The following MUSK variants were observed in gnomAD, a reference collection of about 807,000 sequenced individuals.
MUSK encodes muscle, skeletal receptor tyrosine-protein kinase.
MUSK carries 55 observed loss-of-function variants against 88.7 expected under a neutral mutation model. The observed-to-expected ratio is 0.62, with a 90% confidence interval of 0.50 to 0.78. MUSK has a LOEUF of 0.78. Ranked by LOEUF, MUSK falls within the 30% of genes least tolerant of loss-of-function variation. The pLI is 0.00. For missense variants in MUSK, 1,015 were observed against 1,074.3 expected (o/e 0.94, Z 0.77); for synonymous variants, 387 against 391.9 (o/e 0.99, Z 0.15).
chr9:110,682,241 G>A (rs527620108), intron 1 of MUSK, among the ~76,000 whole-genome samples: 2 of 152,124 alleles, frequency 1.3e-5, no homozygotes, highest in South Asian at 4.1e-4. Flanking sequence ...TATAAAATTA[G>A]GGGAAAATTG....
At chr9:110,785,431 T>C (rs989152710) in intron 12 of MUSK, 96 bp from the exon 13 acceptor site, 36 of 1,078,466 alleles carry the variant, frequency 3.3e-5, no homozygotes, top group Admixed American at 7.7e-5. Flanking sequence ...TTGTTTTCAT[T>C]ACTCTTAAAT....
In MUSK at chr9:110,689,345, T is replaced by C. The variant is rs1247705499; in HGVS notation, c.358+2077T>C. 1.0e-4 allele frequency among the ~76,000 whole-genome samples: 12 copies of C among 117,866 alleles called. 1 individual carries two copies. In the East Asian group the frequency reaches 2.4e-3, roughly 24 times the overall value. The allele number at this position is 117,866 out of a possible 152,430, so 77.3% of individuals were successfully genotyped here. A position where few individuals can be genotyped will look rare whatever the true frequency, so the allele number is the denominator to read the frequency against. ...TTAAATATATATTTAAATATAAATATATAAATATATATAAATACATATTTA... is the reference window on the plus strand; with the variant it reads ...TTAAATATATATTTAAATATAAATACATAAATATATATAAATACATATTTA... On this transcript the variant is annotated intron_variant, in intron 3 of 14. Transcript: ENST00000374448.
At chr9:110,788,414 T>C (rs1164283277) in intron 14 of MUSK, among the ~76,000 whole-genome samples, 1 of 151,998 alleles carries the variant, frequency 6.6e-6, no homozygotes, top group African/African-American at 2.4e-5. Context: ...GGCAGATCAC[T>C]TGAGGTCAGG....
At chr9:110,730,536 C>T (rs1291578375) in intron 5 of MUSK, among the ~76,000 whole-genome samples, 3 of 151,916 alleles carry the variant, frequency 2.0e-5, no homozygotes, top group Non-Finnish European at 4.4e-5. Flanking sequence ...AATTGATGAC[C>T]TAGAATGCAT....
intron 8 of MUSK, among the ~76,000 whole-genome samples, chr9:110,763,423 A>G (rs2077430057): frequency 6.6e-6 from 1 of 152,212 alleles, no homozygotes; most frequent in African/African-American, 2.4e-5. Context: ...AATTAATAAA[A>G]GTGCCATTTA....
intron 2 of MUSK, among the ~76,000 whole-genome samples, chr9:110,686,456 T>C (rs1587896071): frequency 2.6e-5 from 4 of 152,182 alleles, no homozygotes; most frequent in Admixed American, 2.6e-4. Flanking sequence ...AAAACTCTTA[T>C]TTGGTTAAAA....
intron 6 of MUSK, 146 bp downstream of exon 6, chr9:110,734,521 G>T: frequency 9.5e-7 from 1 of 1,054,614 alleles, no homozygotes; most frequent in Non-Finnish European, 1.4e-6. Context: ...CTTTGTCCTA[G>T]AAGCCATTGC....
chr9:110,700,591 A>G (rs1169072868), intron 5 of MUSK, among the ~76,000 whole-genome samples: 1 of 152,138 alleles, frequency 6.6e-6, no homozygotes, highest in Non-Finnish European at 1.5e-5. Context: ...TGGTGTGTAG[A>G]TCACGTTGCA....
intron 9 of MUSK, among the ~76,000 whole-genome samples, chr9:110,773,680 TTGAC>T (rs2077617344): frequency 6.6e-6 from 1 of 152,176 alleles, no homozygotes; most frequent in Non-Finnish European, 1.5e-5. Flanking sequence ...ATATGTGTTT[TTGAC>T]TGGGTATTTA....
chr9:110,768,803 T>A (rs1372419124), intron 9 of MUSK, among the ~76,000 whole-genome samples: 2 of 152,178 alleles, frequency 1.3e-5, no homozygotes, highest in African/African-American at 2.4e-5. Flanking sequence ...GTACATTCCA[T>A]CCAAAATTCT....
At chr9:110,763,698 G>C (rs931094904) in intron 8 of MUSK, among the ~76,000 whole-genome samples, 1 of 152,186 alleles carries the variant, frequency 6.6e-6, no homozygotes, top group Non-Finnish European at 1.5e-5. Context: ...AAGTGTGCCT[G>C]TGCAGGGAGG....
intron 5 of MUSK, among the ~76,000 whole-genome samples, chr9:110,700,210 G>C (rs2076484187): frequency 4.6e-5 from 7 of 152,178 alleles, no homozygotes; most frequent in Admixed American, 4.6e-4. Flanking sequence ...GTTCCATTGA[G>C]GCTAAATGTT....
intron 5 of MUSK, among the ~76,000 whole-genome samples, chr9:110,725,485 A>G (rs1305837302): frequency 2.0e-5 from 3 of 152,038 alleles, no homozygotes; most frequent in African/African-American, 4.8e-5. Flanking sequence ...CAAGAAAATT[A>G]TGGATTACTA....
chr9:110,697,316 C>T lies in MUSK; in HGVS notation c.487-9C>T. ...AACATTTTTGAATTCACGTCCCTAT[C>T]TCTGGCAGGAAAATTCCCGAATTGC... On this transcript the variant is annotated splice_polypyrimidine_tract_variant and intron_variant, in intron 4 of 14. Coordinates refer to ENST00000374448, the MANE Select transcript of MUSK (RefSeq NM_005592.4). The T allele has an allele frequency of 6.2e-7, 1 of 1,612,498 alleles. No homozygotes were observed. Among genetic ancestry groups the T allele is most frequent in the Non-Finnish European group, 8.5e-7 (1 of 1,179,064 alleles).
chr9:110,769,911 T>G (rs2077542853), intron 9 of MUSK, among the ~76,000 whole-genome samples: 1 of 152,114 alleles, frequency 6.6e-6, no homozygotes, highest in South Asian at 2.1e-4. Context: ...AGAAAAATTC[T>G]CTGTGTGTGT....
intron 6 of MUSK, among the ~76,000 whole-genome samples, chr9:110,743,246 G>A (rs546294492): frequency 1.3e-5 from 2 of 152,276 alleles, no homozygotes; most frequent in Non-Finnish European, 2.9e-5. Flanking sequence ...AAGAGCAGGA[G>A]AAAGTCCAGC....
intron 6 of MUSK, among the ~76,000 whole-genome samples, chr9:110,745,889 C>T (rs775654236): frequency 4.5e-4 from 69 of 152,314 alleles, no homozygotes; most frequent in Non-Finnish European, 8.5e-4. Flanking sequence ...GACAAACGTT[C>T]ACTGCATGAT....
At chr9:110,742,680 C>A (rs1002047793) in intron 6 of MUSK, among the ~76,000 whole-genome samples, 1 of 152,008 alleles carries the variant, frequency 6.6e-6, no homozygotes, top group East Asian at 1.9e-4. Flanking sequence ...TTATTGAGAC[C>A]CCAACTTATT....
intron 5 of MUSK, among the ~76,000 whole-genome samples, chr9:110,716,400 G>C (rs1352854348): frequency 1.3e-5 from 2 of 149,846 alleles, no homozygotes; most frequent in Non-Finnish European, 1.5e-5. Flanking sequence ...CAAAGTAATA[G>C]AAAGCTCAGG....
Sources: gnomAD v4.1 joint callset for allele counts (sites outside exome capture counted in the v4.1 genomes callset) on GRCh38, gnomAD v4.1.1 for gene constraint, MANE v1.5 for transcripts, NCBI Gene and HGNC (gene_info 2026-07-23, HGNC 2026-07-21) for gene names.